Variants in KIAA0319L observed in about 807,000 individuals in gnomAD.
The protein encoded by KIAA0319L is dyslexia-associated protein KIAA0319-like protein.
In KIAA0319L, 55 loss-of-function variants were observed where a neutral mutation model predicts 120.1. That is an observed-to-expected ratio of 0.46 (90% CI 0.37 to 0.57). KIAA0319L has a LOEUF of 0.57. Ranked by LOEUF, KIAA0319L falls within the 20% of genes least tolerant of loss-of-function variation. The probability of loss-of-function intolerance (pLI) is 0.00; values close to 1 mark genes in which losing one functional copy is unlikely to be tolerated. For missense variants in KIAA0319L, 1,049 were observed against 1,255.3 expected (o/e 0.84, Z 2.48); for synonymous variants, 398 against 471.9 (o/e 0.84, Z 2.03).
intron 2 of KIAA0319L, among the ~76,000 whole-genome samples, chr1:35,525,754 A>T (rs1646101622): frequency 6.6e-6 from 1 of 152,138 alleles, no homozygotes. Flanking sequence ...CACCAGACAG[A>T]TATTTTGCAA....
intron 10 of KIAA0319L, among the ~76,000 whole-genome samples, chr1:35,455,305 T>C (rs1334681188): frequency 6.6e-6 from 1 of 152,064 alleles, no homozygotes; most frequent in African/African-American, 2.4e-5. Context: ...ACCTGAAGAG[T>C]AGATGACTCC....
At chr1:35,492,229 G>C (rs1171424629) in intron 3 of KIAA0319L, among the ~76,000 whole-genome samples, 1 of 152,080 alleles carries the variant, frequency 6.6e-6, no homozygotes, top group Non-Finnish European at 1.5e-5. Flanking sequence ...ATAATATCAT[G>C]ACCAAGCTGG....
At chr1:35,497,483 A>T (rs1644854019) in intron 3 of KIAA0319L, among the ~76,000 whole-genome samples, 1 of 152,228 alleles carries the variant, frequency 6.6e-6, no homozygotes, top group Non-Finnish European at 1.5e-5. Flanking sequence ...ACAGATTACA[A>T]AGCGGCAGAA....
chr1:35,551,016 A>C (rs1335902287), intron 2 of KIAA0319L, among the ~76,000 whole-genome samples: 5 of 152,334 alleles, frequency 3.3e-5, no homozygotes, highest in African/African-American at 9.6e-5. Context: ...ATTCACAACT[A>C]TCTAAGTGTA....
At chr1:35,484,798 ATATATATATTTTTTT>A (rs1270459990) in intron 3 of KIAA0319L, among the ~76,000 whole-genome samples, 3 of 25,314 alleles carry the variant, frequency 1.2e-4, no homozygotes, top group African/African-American at 7.1e-4. Context: ...ATATATATAT[ATATATATATTTTTTT>A]TTTTATTATA....
At chr1:35,479,786 C>T (rs1644069032) in intron 3 of KIAA0319L, among the ~76,000 whole-genome samples, 1 of 151,598 alleles carries the variant, frequency 6.6e-6, no homozygotes, top group Non-Finnish European at 1.5e-5. Flanking sequence ...GCCTGTGGTC[C>T]CAGCTACTTG....
In KIAA0319L at chr1:35,514,847, A is replaced by G. The variant is rs144387530; in HGVS notation, c.143-7712T>C. ...GACAGATCACTGAGGCAGAAAATTA[A>G]CAAAGATATTCAGGACCTGATCTCA... On this transcript the variant is annotated intron_variant, in intron 2 of 20. Coordinates refer to ENST00000325722, the MANE Select transcript of KIAA0319L (RefSeq NM_024874.5). Among the ~76,000 whole-genome samples the G allele has an allele frequency of 4.3e-3, 662 of 152,350 alleles. 6 individuals are homozygous for G. The highest frequency in any genetic ancestry group is 0.014 in the African/African-American group (598 of 41,576).
At chr1:35,494,272 C>T (rs1218754705) in intron 3 of KIAA0319L, among the ~76,000 whole-genome samples, 1 of 151,754 alleles carries the variant, frequency 6.6e-6, no homozygotes, top group Admixed American at 6.6e-5. Context: ...CATAATGAAA[C>T]CCCATCTCTA....
rs902373481 is a variant in KIAA0319L, at chr1:35,450,323, C to A, written c.2214+35G>T. ...AACGCGTGGCTCCTCCTCCTCCCCA[C>A]TCCTGTGTAGCTCTCCAGCTCCTAG... On this transcript the variant is annotated intron_variant, in intron 14 of 20. Coordinates refer to ENST00000325722, the MANE Select transcript of KIAA0319L (RefSeq NM_024874.5). The A allele has an allele frequency of 6.9e-6, 11 of 1,597,690 alleles. No individual in the cohort carries two copies. The Admixed American group carries it at 1.4e-4, about 20-fold the overall frequency.
At chr1:35,528,939 C>T (rs1383103857) in intron 2 of KIAA0319L, among the ~76,000 whole-genome samples, 2 of 152,178 alleles carry the variant, frequency 1.3e-5, no homozygotes, top group Non-Finnish European at 2.9e-5. Context: ...CCTTTGGTTT[C>T]CATTTGCACG....
At chr1:35,444,414 A>G (rs1158457336) in intron 16 of KIAA0319L, 111 bp from the exon 17 acceptor site, 3 of 1,039,252 alleles carry the variant, frequency 2.9e-6, no homozygotes, top group Admixed American at 7.3e-5. Flanking sequence ...TAAGTGTTAC[A>G]TGCATTCTGT....
At chr1:35,511,263 G>A (rs1432674811) in intron 2 of KIAA0319L, 1 of 152,434 alleles carries the variant, frequency 6.6e-6, no homozygotes, top group Non-Finnish European at 1.5e-5. Flanking sequence ...AATTCATACT[G>A]GGGGGAAAAA....
chr1:35,460,214 A>AT (rs1642792708), intron 9 of KIAA0319L, 91 bp downstream of exon 9: 2 of 1,048,244 alleles, frequency 1.9e-6, no homozygotes, highest in South Asian at 3.0e-5. Context: ...AGTGAATTTG[A>AT]TATTTGTCAA....
At chr1:35,514,534 G>A (rs1645603296) in intron 2 of KIAA0319L, among the ~76,000 whole-genome samples, 1 of 152,000 alleles carries the variant, frequency 6.6e-6, no homozygotes, top group Non-Finnish European at 1.5e-5. Context: ...AAGGGATGGA[G>A]GAAAGCCTAC....
intron 2 of KIAA0319L, among the ~76,000 whole-genome samples, chr1:35,512,330 CA>C (rs34968521): frequency 1.1e-4 from 15 of 136,170 alleles, no homozygotes; most frequent in Non-Finnish European, 1.1e-4. Flanking sequence ...AAACTTTGAC[CA>C]AAAAAAAAAA....
intron 2 of KIAA0319L, among the ~76,000 whole-genome samples, chr1:35,512,779 G>T (rs1437307813): frequency 6.9e-6 from 1 of 145,216 alleles, no homozygotes; most frequent in Non-Finnish European, 1.5e-5. Flanking sequence ...TGAGGCAGGA[G>T]AATCACTTGC....
chr1:35,549,634 T>C (rs1002999819), intron 2 of KIAA0319L, among the ~76,000 whole-genome samples: 5 of 152,216 alleles, frequency 3.3e-5, no homozygotes, highest in East Asian at 1.9e-4. Context: ...ATTAGGTCCT[T>C]GCATCCCCCA....
At chr1:35,473,104 C>CT (rs1223716143) in intron 5 of KIAA0319L, among the ~76,000 whole-genome samples, 45 of 70,426 alleles carry the variant, frequency 6.4e-4, no homozygotes, top group African/African-American at 7.4e-4. Context: ...TTTTTTTTTT[C>CT]TTTTTTTTTG....
intron 8 of KIAA0319L, among the ~76,000 whole-genome samples, chr1:35,462,217 T>C (rs376218285): frequency 9.2e-5 from 14 of 152,280 alleles, no homozygotes; most frequent in East Asian, 7.7e-4. Context: ...AGGCAAGTGA[T>C]GGCTGGGTAA....
Sources: gnomAD v4.1 joint callset for allele counts (sites outside exome capture counted in the v4.1 genomes callset) on GRCh38, gnomAD v4.1.1 for gene constraint, MANE v1.5 for transcripts, NCBI Gene and HGNC (gene_info 2026-07-23, HGNC 2026-07-21) for gene names.